Variants in SVEP1 observed in about 807,000 individuals in gnomAD.
The protein encoded by SVEP1 is sushi, von Willebrand factor type A, EGF and pentraxin domain-containing protein 1.
Under a neutral mutation model 367.3 loss-of-function variants are expected in SVEP1, and 164 were observed. The ratio of observed to expected loss-of-function variants is 0.45; its 90% CI spans 0.39 to 0.51. The LOEUF (loss-of-function observed/expected upper bound fraction) is 0.51. SVEP1 is among the 20% of genes least tolerant of loss of function. The pLI is 0.00. For missense variants in SVEP1, 4,117 were observed against 4,425.3 expected (o/e 0.93, Z 1.98); for synonymous variants, 1,666 against 1,611.6 (o/e 1.03, Z -0.81).
At chr9:110,513,793 G>A (rs965227698) in intron 4 of SVEP1, among the ~76,000 whole-genome samples, 155 bp downstream of exon 4, 1 of 152,072 alleles carries the variant, frequency 6.6e-6, no homozygotes, top group African/African-American at 2.4e-5. Context: ...TGATAAGAAT[G>A]TTATAAAAGC....
intron 38 of SVEP1, among the ~76,000 whole-genome samples, chr9:110,405,826 T>C (rs1030852593): frequency 6.6e-6 from 1 of 152,220 alleles, no homozygotes; most frequent in Non-Finnish European, 1.5e-5. Flanking sequence ...CATAAAGAAA[T>C]TTACTATCCT....
chr9:110,472,999 T>C (rs1829044674), intron 14 of SVEP1, among the ~76,000 whole-genome samples: 2 of 152,212 alleles, frequency 1.3e-5, no homozygotes, highest in East Asian at 1.9e-4. Flanking sequence ...CTCAGTTTCT[T>C]GATTTATAAA....
At chr9:110,528,150 GTGTGTGTATA>G (rs533178186) in intron 3 of SVEP1, among the ~76,000 whole-genome samples, 7,669 of 42,408 alleles carry the variant, frequency 0.18, 340 homozygotes, top group Non-Finnish European at 0.26. Flanking sequence ...GTGTGTGTGT[GTGTGTGTATA>G]TATATATATA....
intron 23 of SVEP1, among the ~76,000 whole-genome samples, 174 bp downstream of exon 23, chr9:110,451,115 T>A (rs565772270): frequency 1.3e-5 from 2 of 152,280 alleles, no homozygotes; most frequent in African/African-American, 2.4e-5. Context: ...GCATGCCCTT[T>A]TACCCCAAAC....
chr9:110,378,468 G>T (rs1381805882), intron 44 of SVEP1, among the ~76,000 whole-genome samples: 1 of 152,054 alleles, frequency 6.6e-6, no homozygotes, highest in Non-Finnish European at 1.5e-5. Context: ...TTGTAAATTT[G>T]TTTGAGTTCA....
chr9:110,402,322 G>T (rs1047687145), intron 39 of SVEP1, among the ~76,000 whole-genome samples: 3 of 151,932 alleles, frequency 2.0e-5, no homozygotes, highest in Admixed American at 6.6e-5. Flanking sequence ...TTAGTTTCTG[G>T]AGAGACTGGT....
chr9:110,530,708 T>C (rs1830007604), intron 3 of SVEP1, among the ~76,000 whole-genome samples: 1 of 152,050 alleles, frequency 6.6e-6, no homozygotes, highest in Admixed American at 6.6e-5. Context: ...AGCTAATTTT[T>C]GTATTTTTTG....
At chr9:110,560,091 C>T (rs370048003) in intron 1 of SVEP1, among the ~76,000 whole-genome samples, 13 of 152,050 alleles carry the variant, frequency 8.5e-5, no homozygotes, top group Non-Finnish European at 7.4e-5. Context: ...CATATACAAC[C>T]GTGATCTCAT....
At chr9:110,481,540 G>T in intron 11 of SVEP1, 104 bp from the exon 12 acceptor site, 2 of 741,212 alleles carry the variant, frequency 2.7e-6, no homozygotes, top group Non-Finnish European at 3.9e-6. Context: ...CCTGTCTATC[G>T]CTATTTCTAG....
At chr9:110,482,936 T>C (rs1404598735) in intron 10 of SVEP1, among the ~76,000 whole-genome samples, 1 of 152,210 alleles carries the variant, frequency 6.6e-6, no homozygotes, top group East Asian at 1.9e-4. Context: ...ATAAAAGATT[T>C]AATTTTATGC....
At chr9:110,369,185 T>C (rs1827241139) in intron 47 of SVEP1, among the ~76,000 whole-genome samples, 1 of 152,214 alleles carries the variant, frequency 6.6e-6, no homozygotes, top group Non-Finnish European at 1.5e-5. Context: ...GAAAATATTT[T>C]ATCTGTGGTA....
chr9:110,526,118 A>G (rs1829937361), intron 3 of SVEP1, among the ~76,000 whole-genome samples: 1 of 152,146 alleles, frequency 6.6e-6, no homozygotes, highest in Admixed American at 6.6e-5. Context: ...AGGAACCAGT[A>G]TTAGCCAAAG....
intron 5 of SVEP1, among the ~76,000 whole-genome samples, chr9:110,505,977 C>A (rs143993612): frequency 5.4e-4 from 82 of 152,236 alleles, no homozygotes; most frequent in Non-Finnish European, 1.0e-3. Flanking sequence ...TAGTCCCCAA[C>A]CCTCTGACAG....
At chr9:110,454,304 T>C (rs1184100706) in intron 22 of SVEP1, among the ~76,000 whole-genome samples, 3 of 152,204 alleles carry the variant, frequency 2.0e-5, no homozygotes, top group Admixed American at 6.5e-5. Flanking sequence ...TCAAGAAGGG[T>C]ATTCCCTAGG....
At chr9:110,378,036 T>C (rs1827377627) in intron 44 of SVEP1, among the ~76,000 whole-genome samples, 2 of 152,226 alleles carry the variant, frequency 1.3e-5, no homozygotes, top group South Asian at 2.1e-4. Flanking sequence ...TTGTTGTAAA[T>C]GGCAGGATTT....
intron 25 of SVEP1, among the ~76,000 whole-genome samples, 182 bp downstream of exon 25, chr9:110,446,718 T>C (rs556981519): frequency 3.3e-5 from 5 of 152,294 alleles, no homozygotes; most frequent in African/African-American, 1.2e-4. Context: ...TCATCATCTG[T>C]GCCACTGAGG....
intron 22 of SVEP1, among the ~76,000 whole-genome samples, chr9:110,452,960 T>G (rs1206830570): frequency 6.6e-6 from 1 of 152,190 alleles, no homozygotes. Flanking sequence ...AATATATCTT[T>G]TCATAAGCCT....
chr9:110,433,925 C>T (rs1272507313), intron 30 of SVEP1, among the ~76,000 whole-genome samples: 1 of 152,118 alleles, frequency 6.6e-6, no homozygotes, highest in African/African-American at 2.4e-5. Flanking sequence ...GCTTTTTCCC[C>T]TGAACTGCTG....
Position 110,579,161 on chromosome 9 carries a change from G to T in SVEP1, c.383C>A (p.Ser128Ter). The change falls in exon 1 of 48, where the codon TCG becomes TAG. Residue 128 changes from serine to a stop codon, truncating the protein, a stop_gained. Transcript: ENST00000374469. LOFTEE classifies it high-confidence loss of function. This position sits in a 1 kb window ranked among gnomAD's most constrained non-coding sequence, Gnocchi z 5.3. ...GCGCGGCACCACGTAGTTCTTGGAC[G>T]AGAAGGTCACGATGGCCACGCGCGT... is the stretch of plus-strand genomic sequence containing the variant. ...TATRVAIVTF[S>*]SKNYVVPRVD... 1 of 1,563,778 alleles carries T rather than the reference G, an allele frequency of 6.4e-7. No homozygotes were observed. Among genetic ancestry groups the T allele is most frequent in the Non-Finnish European group, 8.7e-7 (1 of 1,154,922 alleles).
Sources: gnomAD v4.1 joint callset for allele counts (sites outside exome capture counted in the v4.1 genomes callset) on GRCh38, gnomAD v4.1.1 for gene constraint, Gnocchi (gnomAD v3.1) non-coding constraint, MANE v1.5 for transcripts, NCBI Gene and HGNC (gene_info 2026-07-23, HGNC 2026-07-21) for gene names.